The following ZC3H18 variants were observed in gnomAD, a reference collection of about 807,000 sequenced individuals.
ZC3H18 encodes the protein zinc finger CCCH domain-containing protein 18.
A neutral mutation model predicts 106.1 loss-of-function variants in ZC3H18; 8 were observed. The ratio of observed to expected loss-of-function variants is 0.08; its 90% CI spans 0.04 to 0.14. The LOEUF (loss-of-function observed/expected upper bound fraction) is 0.14, where lower values mean the gene tolerates loss of function less well. Ranked by LOEUF, ZC3H18 falls within the 10% of genes least tolerant of loss-of-function variation. The pLI is 1.00. For synonymous variants in ZC3H18, 635 were observed against 522.1 expected (o/e 1.22, Z -2.95); for missense variants, 1,318 against 1,278.4 (o/e 1.03, Z -0.47).
In ZC3H18 at chr16:88,622,994, G is replaced by C. The variant is rs536476306; in HGVS notation, c.1668-225G>C. On this transcript the variant is annotated intron_variant, in intron 9 of 17. Transcript: ENST00000301011. The stretch of plus-strand genomic sequence containing the variant: ...CAGGCACACCCCACGCCCAGGTCTT[G>C]ATTTCTAAATGCCGTTCTGCACCAA... 10 of 631,436 alleles carry C rather than the reference G, an allele frequency of 1.6e-5. No individual in the cohort carries two copies. In the African/African-American group the frequency reaches 1.9e-4, roughly 12 times the overall value. 39.1% of individuals were successfully genotyped at this position (631,436 alleles called of 1,614,324 possible).
At chr16:88,581,116 T>C (rs887186955) in intron 2 of ZC3H18, among the ~76,000 whole-genome samples, 2 of 152,220 alleles carry the variant, frequency 1.3e-5, no homozygotes, top group African/African-American at 4.8e-5. Context: ...TAGAGAGCCG[T>C]TTGATTTGGC....
At chr16:88,582,618 C>T (rs1205920180) in intron 2 of ZC3H18, among the ~76,000 whole-genome samples, 1 of 152,162 alleles carries the variant, frequency 6.6e-6, no homozygotes, top group Non-Finnish European at 1.5e-5. Context: ...CAGGAAGCAG[C>T]GGCCTGTACC....
Position 88,631,171 on chromosome 16 carries a change from C to G in ZC3H18, c.2734C>G (p.Pro912Ala). 1 of 1,613,638 alleles carries G rather than the reference C, an allele frequency of 6.2e-7. No individual in the cohort carries two copies. Among genetic ancestry groups the G allele is most frequent in the Non-Finnish European group, 8.5e-7 (1 of 1,180,028 alleles). The change falls in exon 18 of 18, where the codon CCC becomes GCC. Residue 912 changes from proline (P) to alanine (A), a missense_variant. Pro to Ala is a conservative substitution (Grantham distance 27). This residue lies in a region of ZC3H18 where 848 missense variants were observed against 821.7 expected (regional missense o/e 1.03). Coordinates refer to ENST00000301011, the MANE Select transcript of ZC3H18 (RefSeq NM_144604.4). ...VTSVPGKASDPGAASTKSGKA... is the reference protein window; with the variant it reads ...VTSVPGKASDAGAASTKSGKA... ...GAGCGTGCCCGGCAAAGCCTCGGAT[C>G]CCGGCGCCGCCAGCACCAAATCAGG...
chr16:88,621,681 A>G (rs1171265104), intron 8 of ZC3H18, among the ~76,000 whole-genome samples: 1 of 151,794 alleles, frequency 6.6e-6, no homozygotes, highest in Admixed American at 6.6e-5. Context: ...TAATAGAGAC[A>G]GGTTTCACCA....
chr16:88,624,811 C>T lies in ZC3H18; in HGVS notation c.2042+66C>T, dbSNP rs978082555. 6.6e-6 allele frequency: 10 copies of T among 1,520,132 alleles called. No individual in the cohort carries two copies. In the African/African-American group the frequency reaches 9.8e-5, roughly 15 times the overall value. The allele number at this position is 1,520,132 out of a possible 1,614,324, so 94.2% of individuals were successfully genotyped here. A position where few individuals can be genotyped will look rare whatever the true frequency, so the allele number is the denominator to read the frequency against. On this transcript the variant is annotated intron_variant, in intron 12 of 17. Transcript: ENST00000301011. ...TCTTGGTGCCACTGTGATGCTGGCACTGCTGGAAATCCAGAGTGCCAGGGT... is the reference window on the plus strand; with the variant it reads ...TCTTGGTGCCACTGTGATGCTGGCATTGCTGGAAATCCAGAGTGCCAGGGT...
intron 3 of ZC3H18, chr16:88,587,603 C>G: frequency 6.5e-7 from 1 of 1,535,862 alleles, no homozygotes; most frequent in Non-Finnish European, 8.7e-7. Flanking sequence ...CATTCAGAGG[C>G]CAGGTTAAAG....
chr16:88,575,399 C>A (rs1412709302), intron 1 of ZC3H18, among the ~76,000 whole-genome samples: 1 of 151,956 alleles, frequency 6.6e-6, no homozygotes, highest in Non-Finnish European at 1.5e-5. Flanking sequence ...AGCAGTGTGA[C>A]CGTGACATAC....
intron 6 of ZC3H18, among the ~76,000 whole-genome samples, chr16:88,600,236 C>T (rs186095336): frequency 5.3e-5 from 8 of 152,310 alleles, no homozygotes; most frequent in African/African-American, 1.9e-4. Context: ...TCCTTGAGGC[C>T]TCTAGAGCCC....
At chr16:88,575,275 T>G in intron 1 of ZC3H18, among the ~76,000 whole-genome samples, 1 of 152,080 alleles carries the variant, frequency 6.6e-6, no homozygotes, top group Non-Finnish European at 1.5e-5. Flanking sequence ...TTTTTATCTT[T>G]AGTGTGTATG....
At chr16:88,609,295 G>GTGTT (rs372050949) in intron 7 of ZC3H18, 3 of 284,662 alleles carry the variant, frequency 1.1e-5, no homozygotes, top group African/African-American at 4.4e-5. Context: ...TTTTTGTGTG[G>GTGTT]TGTTTGTTTG....
chr16:88,609,093 G>T, intron 7 of ZC3H18, 42 bp downstream of exon 7: 1 of 1,468,174 alleles, frequency 6.8e-7, no homozygotes, highest in South Asian at 1.2e-5. Context: ...TTCATGATCT[G>T]TTCATTCAAG....
At chr16:88,592,378 G>C (rs1481223026) in intron 3 of ZC3H18, among the ~76,000 whole-genome samples, 2 of 152,274 alleles carry the variant, frequency 1.3e-5, no homozygotes, top group Non-Finnish European at 2.9e-5. Context: ...TAAAGCAGCA[G>C]GTCTGAGTGT....
At chr16:88,614,798 A>G (rs1314855904) in intron 8 of ZC3H18, among the ~76,000 whole-genome samples, 2 of 152,220 alleles carry the variant, frequency 1.3e-5, no homozygotes, top group African/African-American at 4.8e-5. Context: ...CTTCCCCTAC[A>G]GCACACACAG....
chr16:88,619,679 G>A (rs1218241324), intron 8 of ZC3H18, among the ~76,000 whole-genome samples: 1 of 152,172 alleles, frequency 6.6e-6, no homozygotes, highest in African/African-American at 2.4e-5. Flanking sequence ...CCATGCCGTG[G>A]CAGGGGGCAA....
At chr16:88,623,061 G>A (rs148935780) in intron 9 of ZC3H18, 158 bp from the exon 10 acceptor site, 15 of 1,021,202 alleles carry the variant, frequency 1.5e-5, no homozygotes, top group South Asian at 1.1e-4. Context: ...GGCTGTATGC[G>A]TCTGTGCGCG....
At position 88,624,483 on chromosome 16, in the gene ZC3H18, C is replaced by T. The variant is rs1054844207; in HGVS notation, c.1899-119C>T. 28 of 1,462,840 alleles carry T rather than the reference C, an allele frequency of 1.9e-5. No homozygotes were observed. In the African/African-American group the frequency reaches 3.1e-4, roughly 16 times the overall value. The allele number at this position is 1,462,840 out of a possible 1,614,324, so 90.6% of individuals were successfully genotyped here. ...AGCCGTGTCCAGGCACGAGCGTGCT[C>T]ACCGAGCGTCACAGGCATGCAGTGT... On this transcript the variant is annotated intron_variant, in intron 11 of 17. Transcript: ENST00000301011.
At position 88,574,860 on chromosome 16, in the gene ZC3H18, C is replaced by G. The variant is rs1452333446; in HGVS notation, c.-14-2250C>G. 3.5e-5 allele frequency among the ~76,000 whole-genome samples: 5 copies of G among 144,742 alleles called. No individual in the cohort carries two copies. The East Asian group carries it at 8.1e-4, about 24-fold the overall frequency. 95.0% of individuals were successfully genotyped at this position (144,742 alleles called of 152,430 possible). On this transcript the variant is annotated intron_variant, in intron 1 of 17. Coordinates refer to ENST00000301011, the MANE Select transcript of ZC3H18 (RefSeq NM_144604.4). Reference sequence around the variant, plus strand: ...TTTTTTTTTTTTTGAGACGGAGTCTCGCTCTGTCGCCCAGGCTGGAGTGCA... The same window carrying G: ...TTTTTTTTTTTTTGAGACGGAGTCTGGCTCTGTCGCCCAGGCTGGAGTGCA...
In ZC3H18 at chr16:88,598,606, T is replaced by C; in HGVS notation, c.838-14T>C. On this transcript the variant is annotated splice_polypyrimidine_tract_variant and intron_variant, in intron 4 of 17. Coordinates refer to ENST00000301011, the MANE Select transcript of ZC3H18 (RefSeq NM_144604.4). ...TTTTACTTTCTCACCTTCTCCCTTC[T>C]CGTTTTTCAATAGGGTGGGCCGGTA... 2 of 1,601,770 alleles carry C rather than the reference T, an allele frequency of 1.2e-6. No homozygotes were observed. Among genetic ancestry groups the C allele is most frequent in the Non-Finnish European group, 1.7e-6 (2 of 1,172,864 alleles).
Position 88,570,488 on chromosome 16 carries a change from C to A in ZC3H18, c.-93C>A, listed in dbSNP as rs1180249893. 1.3e-5 allele frequency: 2 copies of A among 151,952 alleles called. No individual in the cohort carries two copies. The highest frequency in any genetic ancestry group is 4.8e-5 in the African/African-American group (2 of 41,386). The allele number at this position is 151,952 out of a possible 1,614,324, so 9.4% of individuals were successfully genotyped here. On this transcript the variant is annotated 5_prime_UTR_variant, in exon 1 of 18. Coordinates refer to ENST00000301011, the MANE Select transcript of ZC3H18 (RefSeq NM_144604.4). ...GCCTGGAGCCAGAACCTGTGAAGAG[C>A]GGAAGGGCCAAGGGACGTCTTCTCC...
Sources: gnomAD v4.1 joint callset for allele counts (sites outside exome capture counted in the v4.1 genomes callset) on GRCh38, gnomAD v4.1.1 for gene constraint, gnomAD v4.1.1 regional missense constraint, MANE v1.5 for transcripts, NCBI Gene and HGNC (gene_info 2026-07-23, HGNC 2026-07-21) for gene names.